Variants in MPPED2 observed in about 807,000 individuals in gnomAD.
MPPED2 encodes metallophosphoesterase MPPED2.
MPPED2 carries 5 observed loss-of-function variants against 33.0 expected under a neutral mutation model. The observed-to-expected ratio is 0.15, with a 90% CI of 0.08 to 0.32. The LOEUF (loss-of-function observed/expected upper bound fraction) is 0.32, where lower values mean the gene tolerates loss of function less well. MPPED2 is among the 10% of genes least tolerant of loss of function. The probability of loss-of-function intolerance (pLI) is 1.00; values close to 1 mark genes in which losing one functional copy is unlikely to be tolerated. For missense variants in MPPED2, 275 were observed against 372.1 expected (o/e 0.74, Z 2.15); for synonymous variants, 136 against 141.9 (o/e 0.96, Z 0.29).
chr11:30,414,120 TC>T lies in MPPED2; in HGVS notation c.766+107del, dbSNP rs1590178783. On this transcript the variant is annotated intron_variant, in intron 6 of 6. Transcript: ENST00000358117. ...CATAAGACTTCATCTTATAAAAGGG[TC>T]CCGCTGCTAAAAAGTTTGAAAACAA... The T allele has an allele frequency of 5.7e-6, 4 of 705,710 alleles. No homozygotes were observed. In the East Asian group the frequency reaches 1.1e-4, roughly 19 times the overall value. 43.7% of individuals were successfully genotyped at this position (705,710 alleles called of 1,614,324 possible).
chr11:30,493,487 A>G (rs569553414), intron 4 of MPPED2, among the ~76,000 whole-genome samples: 1 of 152,144 alleles, frequency 6.6e-6, no homozygotes, highest in Non-Finnish European at 1.5e-5. Context: ...AGTCCTATCC[A>G]CAACTCCTAG....
intron 2 of MPPED2, among the ~76,000 whole-genome samples, chr11:30,565,317 G>A (rs1216169714): frequency 6.6e-6 from 1 of 152,132 alleles, no homozygotes; most frequent in Non-Finnish European, 1.5e-5. Flanking sequence ...TATTTATAAT[G>A]CAGAATACAG....
At chr11:30,388,823 T>C (rs370283068) in exon 7 of MPPED2, 3 of 1,474,838 alleles carry the variant, frequency 2.0e-6, no homozygotes, top group Admixed American at 2.2e-5. Context: ...ATGCCAGGAT[T>C]GTAGCTCACA....
chr11:30,423,001 A>G (rs569830697), intron 4 of MPPED2, among the ~76,000 whole-genome samples: 55 of 152,366 alleles, frequency 3.6e-4, no homozygotes, highest in African/African-American at 1.3e-3. Flanking sequence ...AAGGGAGTTA[A>G]CATAGGCAGA....
chr11:30,508,508 C>T (rs1321057140), intron 3 of MPPED2, among the ~76,000 whole-genome samples: 1 of 152,214 alleles, frequency 6.6e-6, no homozygotes, highest in African/African-American at 2.4e-5. Context: ...GTAGCCTCCA[C>T]AACTGTGAGA....
intron 4 of MPPED2, among the ~76,000 whole-genome samples, chr11:30,458,189 A>T (rs1950362149): frequency 6.6e-6 from 1 of 152,196 alleles, no homozygotes; most frequent in South Asian, 2.1e-4. Context: ...TGCATGGAGA[A>T]AATGTTTTGA....
At chr11:30,388,573 AG>A (rs1439072265) in exon 7 of MPPED2, 3 of 193,410 alleles carry the variant, frequency 1.6e-5, no homozygotes, top group East Asian at 2.5e-4. Flanking sequence ...CCTGGGGTGG[AG>A]GGGGTCATCA....
intron 4 of MPPED2, among the ~76,000 whole-genome samples, chr11:30,428,129 G>T (rs1277650337): frequency 6.6e-6 from 1 of 152,078 alleles, no homozygotes; most frequent in East Asian, 1.9e-4. Flanking sequence ...CAATAAAAAA[G>T]CATCTTCAGC....
chr11:30,414,208 TTC>T lies in MPPED2; in HGVS notation c.766+18_766+19del. Reference sequence around the variant, plus strand: ...GGACAGGGGCACAAAATGTTTTGAATTCTTTTCCGCTGTTCTTACCTTCATGG... The same window carrying T: ...GGACAGGGGCACAAAATGTTTTGAATTTTTCCGCTGTTCTTACCTTCATGG... On this transcript the variant is annotated intron_variant, in intron 6 of 6. Coordinates refer to ENST00000358117, the MANE Select transcript of MPPED2 (RefSeq NM_001584.3). The T allele has an allele frequency of 6.4e-7, 1 of 1,561,618 alleles. No homozygotes were observed. The highest frequency in any genetic ancestry group is 8.8e-7 in the Non-Finnish European group (1 of 1,132,204).
chr11:30,528,287 G>A (rs574552275), intron 3 of MPPED2, among the ~76,000 whole-genome samples: 3 of 151,880 alleles, frequency 2.0e-5, no homozygotes, highest in East Asian at 1.9e-4. Flanking sequence ...ACGGAGTCTC[G>A]CTCTGTTGCC....
intron 3 of MPPED2, among the ~76,000 whole-genome samples, chr11:30,506,404 G>C (rs1299071388): frequency 6.6e-6 from 1 of 152,068 alleles, no homozygotes; most frequent in Non-Finnish European, 1.5e-5. Context: ...AGAATAAGGA[G>C]CCCATCTCCT....
At chr11:30,431,139 G>C (rs1949059334) in intron 4 of MPPED2, among the ~76,000 whole-genome samples, 1 of 152,224 alleles carries the variant, frequency 6.6e-6, no homozygotes, top group African/African-American at 2.4e-5. Flanking sequence ...TGGATGATGT[G>C]GGGCTTTTTT....
Position 30,472,310 on chromosome 11 carries a change from G to A in MPPED2, c.536+22986C>T, listed in dbSNP as rs147297907. ...TGGAAGCTTGAGGCTGCAGTGAGCC[G>A]TGGTGGTGCCATAGCGCTCCAGCCT... is the stretch of plus-strand genomic sequence containing the variant. On this transcript the variant is annotated intron_variant, in intron 4 of 6. Transcript: ENST00000358117. Among the ~76,000 whole-genome samples the A allele has an allele frequency of 1.1e-4, 16 of 152,240 alleles. No individual in the cohort carries two copies. The East Asian group carries it at 1.9e-3, about 18-fold the overall frequency.
chr11:30,524,359 G>A (rs903365243), intron 3 of MPPED2, among the ~76,000 whole-genome samples: 1 of 152,142 alleles, frequency 6.6e-6, no homozygotes. Context: ...AGTGTGGTGG[G>A]AAATTAAGGT....
chr11:30,504,191 A>G (rs1244440354), intron 3 of MPPED2, among the ~76,000 whole-genome samples: 2 of 152,176 alleles, frequency 1.3e-5, no homozygotes, highest in Non-Finnish European at 2.9e-5. Flanking sequence ...AATTATTATT[A>G]TATGTTTAAT....
At chr11:30,585,968 A>C (rs294382) in intron 1 of MPPED2, 74 bp downstream of exon 1, 118,201 of 152,310 alleles carry the variant, frequency 0.78, 46,195 homozygotes, top group African/African-American at 0.85. Context: ...CCCTTCCTCT[A>C]GTGCTCGGCA....
At chr11:30,400,035 C>A (rs544281923) in intron 6 of MPPED2, among the ~76,000 whole-genome samples, 1 of 152,098 alleles carries the variant, frequency 6.6e-6, no homozygotes, top group Admixed American at 6.5e-5. Flanking sequence ...TTTTTAGGTG[C>A]AAGAAAGATT....
intron 4 of MPPED2, among the ~76,000 whole-genome samples, chr11:30,469,226 G>T (rs903076387): frequency 2.4e-4 from 36 of 152,286 alleles, no homozygotes; most frequent in African/African-American, 8.4e-4. Context: ...CTGACTTTAT[G>T]TGTGTGCATT....
At chr11:30,546,005 G>T (rs1565172071) in intron 2 of MPPED2, among the ~76,000 whole-genome samples, 1 of 152,064 alleles carries the variant, frequency 6.6e-6, no homozygotes, top group Non-Finnish European at 1.5e-5. Context: ...GACTGCAGGT[G>T]TCTGCCACCA....
Sources: gnomAD v4.1 joint callset for allele counts (sites outside exome capture counted in the v4.1 genomes callset) on GRCh38, gnomAD v4.1.1 for gene constraint, MANE v1.5 for transcripts, NCBI Gene and HGNC (gene_info 2026-07-23, HGNC 2026-07-21) for gene names.